Variants in BTD observed in about 807,000 individuals in gnomAD.
BTD encodes biocytinase.
Under a neutral mutation model 17.7 loss-of-function variants are expected in BTD, and 13 were observed. The observed-to-expected ratio is 0.74, with a 90% CI of 0.48 to 1.17. BTD has a LOEUF of 1.17. Ranked by LOEUF, BTD falls within the 50% of genes most tolerant of loss-of-function variation. The pLI, the probability that BTD is intolerant of heterozygous loss-of-function variation, is 0.00. For synonymous variants in BTD, 240 were observed against 245.2 expected (o/e 0.98, Z 0.20); for missense variants, 674 against 650.4 (o/e 1.04, Z -0.39).
intron 1 of BTD, chr3:15,606,860 T>C (rs1574971077): frequency 6.6e-6 from 1 of 152,174 alleles, no homozygotes; most frequent in Non-Finnish European, 1.5e-5. Flanking sequence ...TGGCCCAGGA[T>C]GGCTTTGAAT....
At chr3:15,721,730 C>A (rs2073753615) in intron 4 of BTD, among the ~76,000 whole-genome samples, 1 of 152,120 alleles carries the variant, frequency 6.6e-6, no homozygotes, top group Middle Eastern at 3.4e-3. Flanking sequence ...AGAAACAATT[C>A]ATGTAATTAA....
chr3:15,654,332 C>T (rs2065849253), downstream of BTD, among the ~76,000 whole-genome samples: 1 of 152,040 alleles, frequency 6.6e-6, no homozygotes, highest in Non-Finnish European at 1.5e-5. Context: ...GACAGCATTG[C>T]AGGGGATTAG....
At position 15,609,446 on chromosome 3, in the gene BTD, T is replaced by C. The variant is rs143528308; in HGVS notation, c.-17+7552T>C. On this transcript the variant is annotated intron_variant, in intron 1 of 3. Coordinates refer to ENST00000643237, the MANE Select transcript of BTD (RefSeq NM_001370658.1). ...AACAGTGTGCTCTGAAATTCTTGCA[T>C]GTTTCCTTCTTGTGCACATGTGTGA... 6.6e-5 allele frequency among the ~76,000 whole-genome samples: 10 copies of C among 152,338 alleles called. No homozygotes were observed. The East Asian group carries it at 1.9e-3, about 29-fold the overall frequency.
chr3:15,669,861 C>T, intron 3 of BTD: 1 of 160,628 alleles, frequency 6.2e-6, no homozygotes, highest in East Asian at 1.8e-4. Context: ...CACATAATGC[C>T]TACTGTACCA....
At chr3:15,718,624 TGGCAGTGCATAAAACAG>T (rs1419007834) in intron 4 of BTD, among the ~76,000 whole-genome samples, 9 of 151,780 alleles carry the variant, frequency 5.9e-5, no homozygotes, top group African/African-American at 2.2e-4. Context: ...CATGCCAAAA[TGGCAGTGCATAAAACAG>T]GAAGCCCAAT....
intron 1 of BTD, among the ~76,000 whole-genome samples, chr3:15,630,838 C>T (rs1406688815): frequency 1.3e-5 from 2 of 152,074 alleles, no homozygotes; most frequent in African/African-American, 2.4e-5. Flanking sequence ...AGACATCAAA[C>T]GTCTTGGTAG....
chr3:15,721,139 GA>G (rs749467646), intron 4 of BTD: 26 of 1,590,946 alleles, frequency 1.6e-5, no homozygotes, highest in African/African-American at 1.2e-4. Flanking sequence ...TATTAGAAGG[GA>G]AAAAAATGCG....
At chr3:15,678,448 G>T (rs768339814) in intron 3 of BTD, 7 of 1,221,914 alleles carry the variant, frequency 5.7e-6, no homozygotes, top group Non-Finnish European at 7.8e-6. Context: ...GTTTTTAAGG[G>T]TTTACATATT....
intron 1 of BTD, among the ~76,000 whole-genome samples, chr3:15,634,336 C>T (rs1044911180): frequency 1.3e-5 from 2 of 152,132 alleles, no homozygotes; most frequent in Non-Finnish European, 2.9e-5. Context: ...ATCCGGATTC[C>T]TGGGCAGTTG....
rs1290988944 is a variant in BTD, at chr3:15,644,323, A to G, written c.407A>G (p.Gln136Arg). The change falls in exon 4 of 4, where the codon CAG becomes CGG. Residue 136 changes from glutamine (Q) to arginine (R), a missense_variant. Gln to Arg is a conservative substitution (Grantham distance 43). Transcript: ENST00000643237. ...PHRFNDTEVLQRLSCMAIRGD... is the reference protein window; with the variant it reads ...PHRFNDTEVLRRLSCMAIRGD... ...CACCTTTTTTTCCTCTAGGTGCTCCAGCGCCTGAGTTGTATGGCCATCAGG... is the reference window on the plus strand; with the variant it reads ...CACCTTTTTTTCCTCTAGGTGCTCCGGCGCCTGAGTTGTATGGCCATCAGG... The G allele has an allele frequency of 6.2e-7, 1 of 1,613,662 alleles. No individual in the cohort carries two copies. Among genetic ancestry groups the G allele is most frequent in the African/African-American group, 1.3e-5 (1 of 74,940 alleles).
intron 3 of BTD, among the ~76,000 whole-genome samples, chr3:15,661,890 A>G (rs2065929017): frequency 6.6e-6 from 1 of 152,152 alleles, no homozygotes; most frequent in Admixed American, 6.5e-5. Context: ...TACTGTCTTC[A>G]CTCTGTCACA....
chr3:15,625,888 A>T (rs2065055845), intron 1 of BTD, among the ~76,000 whole-genome samples: 1 of 152,166 alleles, frequency 6.6e-6, no homozygotes, highest in Admixed American at 6.5e-5. Context: ...TATAAGTTCA[A>T]AGCCTTCCAA....
At chr3:15,686,092 G>A (rs376891784) in intron 3 of BTD, 1 of 1,613,334 alleles carries the variant, frequency 6.2e-7, no homozygotes, top group Non-Finnish European at 8.5e-7. Context: ...CTGTGTGCCC[G>A]TTGAGAACAG....
chr3:15,634,287 A>G (rs993024666), intron 1 of BTD, among the ~76,000 whole-genome samples: 2 of 152,194 alleles, frequency 1.3e-5, no homozygotes, highest in Admixed American at 6.5e-5. Context: ...AAGGGCAGCA[A>G]TATGATTCTT....
At chr3:15,626,927 G>A (rs187876616) in intron 1 of BTD, among the ~76,000 whole-genome samples, 64 of 152,236 alleles carry the variant, frequency 4.2e-4, no homozygotes, top group African/African-American at 1.3e-3. Flanking sequence ...ACTTGGAACC[G>A]TCTGTCAGAG....
intron 3 of BTD, among the ~76,000 whole-genome samples, chr3:15,664,663 C>CA (rs2065959513): frequency 6.6e-6 from 1 of 151,924 alleles, no homozygotes; most frequent in Non-Finnish European, 1.5e-5. Flanking sequence ...CATCATTTAG[C>CA]AAAAGCTTTT....
intron 3 of BTD, chr3:15,690,053 A>T (rs772429899): frequency 6.2e-7 from 1 of 1,611,440 alleles, no homozygotes; most frequent in Non-Finnish European, 8.5e-7. Context: ...TCAAAATGTA[A>T]TCTTTTACTA....
At chr3:15,622,433 C>T (rs557446133) in intron 1 of BTD, among the ~76,000 whole-genome samples, 1 of 152,246 alleles carries the variant, frequency 6.6e-6, no homozygotes, top group Non-Finnish European at 1.5e-5. Context: ...TATTTCTACT[C>T]TTTTAAATCT....
At chr3:15,703,420 G>A (rs2070904236) in intron 3 of BTD, among the ~76,000 whole-genome samples, 1 of 152,230 alleles carries the variant, frequency 6.6e-6, no homozygotes, top group Non-Finnish European at 1.5e-5. Flanking sequence ...GGGGCCTTTA[G>A]GAGGTGATTA....
Sources: gnomAD v4.1 joint callset for allele counts (sites outside exome capture counted in the v4.1 genomes callset) on GRCh38, gnomAD v4.1.1 for gene constraint, MANE v1.5 for transcripts, NCBI Gene and HGNC (gene_info 2026-07-23, HGNC 2026-07-21) for gene names.